POLR1E: variants seen among roughly 807,000 people sequenced by gnomAD.
The protein encoded by POLR1E is DNA-directed RNA polymerase I subunit RPA49.
POLR1E carries 37 observed loss-of-function variants against 50.9 expected under a neutral mutation model. That is an observed-to-expected ratio of 0.73 (90% CI 0.56 to 0.96). The LOEUF (loss-of-function observed/expected upper bound fraction) is 0.96. Among genes scored for constraint, POLR1E ranks in the 40% least tolerant of loss-of-function variants. The pLI is 0.00. For synonymous variants in POLR1E, 166 were observed against 191.6 expected (o/e 0.87, Z 1.10); for missense variants, 426 against 518.1 (o/e 0.82, Z 1.73).
intron 4 of POLR1E, among the ~76,000 whole-genome samples, chr9:37,490,156 G>A (rs1820654101): frequency 6.6e-6 from 1 of 151,920 alleles, no homozygotes; most frequent in Non-Finnish European, 1.5e-5. Context: ...ATCATTTCAA[G>A]GGACTATCTT....
chr9:37,487,744 C>T (rs1041270862), intron 2 of POLR1E, 119 bp from the exon 3 acceptor site: 5 of 923,656 alleles, frequency 5.4e-6, no homozygotes, highest in East Asian at 2.4e-5. Context: ...CAGAGATGAA[C>T]TAGTTCTAAT....
At chr9:37,500,319 G>A (rs1820861317) in intron 9 of POLR1E, among the ~76,000 whole-genome samples, 1 of 151,596 alleles carries the variant, frequency 6.6e-6, no homozygotes, top group Admixed American at 6.6e-5. Flanking sequence ...CAAGTAGCTG[G>A]GATTAGAGGT....
Position 37,486,076 on chromosome 9 carries a change from G to C in POLR1E, c.29G>C (p.Arg10Thr), listed in dbSNP as rs1820566882. 1 of 1,604,018 alleles carries C rather than the reference G, an allele frequency of 6.2e-7. No individual in the cohort carries two copies. Among genetic ancestry groups the C allele is most frequent in the South Asian group, 1.1e-5 (1 of 88,674 alleles). The change falls in exon 1 of 12, where the codon AGG becomes ACG. Residue 10 changes from arginine to threonine, a missense_variant. Physicochemically the swap from Arg to Thr is moderately conservative, Grantham distance 71. Transcript: ENST00000377798. ...GCGGCGGAGGTGTTGCCGAGTGCGA[G>C]GTGGCAGTATTGTGGGGCGCCCGAC... MAAEVLPSA[R>T]WQYCGAPDGS...
In POLR1E at chr9:37,486,740, C is replaced by A; in HGVS notation, c.114C>A (p.Asn38Lys). 2 of 1,614,214 alleles carry A rather than the reference C, an allele frequency of 1.2e-6. No individual in the cohort carries two copies. Among genetic ancestry groups the A allele is most frequent in the Non-Finnish European group, 1.7e-6 (2 of 1,180,034 alleles). The change falls in exon 2 of 12, where the codon AAC (asparagine) becomes AAA (lysine). Residue 38 changes from asparagine to lysine, a missense_variant. Transcript: ENST00000377798. ...FSNGKLQSPG[N>K]MRFTLYENKD... Reference sequence around the variant, plus strand: ...ACGGGAAGCTACAGAGTCCAGGCAACATGCGCTTTACCTTGTATGAGAACA... The same window carrying A: ...ACGGGAAGCTACAGAGTCCAGGCAAAATGCGCTTTACCTTGTATGAGAACA...
Position 37,503,026 on chromosome 9 carries a change from G to C in POLR1E, c.1101-17G>C. 6.2e-7 allele frequency: 1 copy of C among 1,603,346 alleles called. No homozygotes were observed. Among genetic ancestry groups the C allele is most frequent in the Non-Finnish European group, 8.5e-7 (1 of 1,175,058 alleles). On this transcript the variant is annotated splice_polypyrimidine_tract_variant and intron_variant, in intron 11 of 11. Transcript: ENST00000377798. ...GTTGAGGGGTCTCTCCAGTTCTTCT[G>C]TTTATGTCTTCCTTAGGATGATGGA...
chr9:37,488,084 C>T, intron 3 of POLR1E, 145 bp downstream of exon 3: 1 of 716,614 alleles, frequency 1.4e-6, no homozygotes, highest in South Asian at 1.8e-5. Flanking sequence ...CTATTAGACC[C>T]AGAGCCCTTC....
intron 2 of POLR1E, among the ~76,000 whole-genome samples, chr9:37,487,600 G>A (rs1304975678): frequency 6.6e-6 from 1 of 152,142 alleles, no homozygotes; most frequent in Non-Finnish European, 1.5e-5. Flanking sequence ...AAGTCTTGTG[G>A]CAGAATTCCC....
chr9:37,500,627 G>A (rs1820869265), intron 9 of POLR1E, among the ~76,000 whole-genome samples: 1 of 152,184 alleles, frequency 6.6e-6, no homozygotes, highest in African/African-American at 2.4e-5. Flanking sequence ...CCCATCACCA[G>A]CATCTCTCGT....
chr9:37,491,266 C>T (rs185545834), intron 4 of POLR1E, among the ~76,000 whole-genome samples: 5 of 152,132 alleles, frequency 3.3e-5, no homozygotes, highest in African/African-American at 7.2e-5. Flanking sequence ...CAGGATAGGG[C>T]GATAGACAAG....
intron 8 of POLR1E, among the ~76,000 whole-genome samples, chr9:37,496,366 C>G (rs897261561): frequency 6.6e-6 from 1 of 152,058 alleles, no homozygotes; most frequent in African/African-American, 2.4e-5. Flanking sequence ...ATATGGTAGG[C>G]AAACTTTTCT....
At chr9:37,492,289 A>C in intron 4 of POLR1E, 1 of 1,293,488 alleles carries the variant, frequency 7.7e-7, no homozygotes, top group Non-Finnish European at 1.0e-6. Context: ...TAGGTCTTTC[A>C]CCAAGAAAGC....
At chr9:37,497,588 T>A (rs965111358) in intron 8 of POLR1E, among the ~76,000 whole-genome samples, 2 of 152,218 alleles carry the variant, frequency 1.3e-5, no homozygotes, top group Non-Finnish European at 2.9e-5. Context: ...GTAAGTAATA[T>A]CTGTGCCTGC....
chr9:37,492,321 C>T, intron 4 of POLR1E: 1 of 1,305,812 alleles, frequency 7.7e-7, no homozygotes, highest in South Asian at 1.2e-5. Context: ...CTGGAAAGAG[C>T]CAAGGACTTG....
At chr9:37,500,792 G>T (rs745385347) in intron 9 of POLR1E, 48 bp from the exon 10 acceptor site, 11 of 1,468,962 alleles carry the variant, frequency 7.5e-6, no homozygotes, top group Admixed American at 3.4e-5. Context: ...TTGAGGTGTG[G>T]CCTGAGGGTT....
intron 10 of POLR1E, among the ~76,000 whole-genome samples, chr9:37,501,288 C>A (rs547102980): frequency 6.6e-6 from 1 of 152,360 alleles, no homozygotes; most frequent in South Asian, 2.1e-4. Flanking sequence ...GGGAAAGACC[C>A]GCAGGCCCTG....
At position 37,487,756 on chromosome 9, in the gene POLR1E, C is replaced by T. The variant is rs866907288; in HGVS notation, c.181-107C>T. The T allele has an allele frequency of 4.9e-5, 49 of 994,626 alleles. 1 individual carries two copies. The Middle Eastern group carries it at 6.4e-4, about 13-fold the overall frequency. The allele number at this position is 994,626 out of a possible 1,614,324, so 61.6% of individuals were successfully genotyped here. On this transcript the variant is annotated intron_variant, in intron 2 of 11. Coordinates refer to ENST00000377798, the MANE Select transcript of POLR1E (RefSeq NM_022490.4). ...TGCCAGAGATGAACTAGTTCTAATC[C>T]ATTGTGAGTCTGGATTCAAAAGCCT...
rs779014975 is a variant in POLR1E at position 37,487,820 on chromosome 9, T to C, written c.181-43T>C. On this transcript the variant is annotated intron_variant, in intron 2 of 11. Coordinates refer to ENST00000377798, the MANE Select transcript of POLR1E (RefSeq NM_022490.4). ...AAAGAGAAATGATGCTTAATACCTT[T>C]CAACATTGGTTGTAAATGGAGTTTC... The C allele has an allele frequency of 5.1e-6, 8 of 1,567,948 alleles. No homozygotes were observed. The African/African-American group carries it at 1.1e-4, about 21-fold the overall frequency.
At chr9:37,493,086 G>T (rs1820713916) in intron 5 of POLR1E, among the ~76,000 whole-genome samples, 1 of 152,218 alleles carries the variant, frequency 6.6e-6, no homozygotes, top group South Asian at 2.1e-4. Context: ...AATGTAGAAG[G>T]TCCCTACAAA....
rs769829658 is a variant in POLR1E, at chr9:37,486,756, T to C, written c.130T>C (p.Tyr44His). 28 of 1,614,006 alleles carry C rather than the reference T, an allele frequency of 1.7e-5. 2 individuals carry two copies. The South Asian group carries it at 3.1e-4, about 18-fold the overall frequency. ...TCCAGGCAACATGCGCTTTACCTTG[T>C]ATGAGAACAAAGATTCCACCAACCC... is the stretch of plus-strand genomic sequence containing the variant. ...QSPGNMRFTL[Y>H]ENKDSTNPRK... The change falls in exon 2 of 12, where the codon TAT becomes CAT. Residue 44 changes from tyrosine (Y) to histidine (H), a missense_variant. Transcript: ENST00000377798.
Sources: gnomAD v4.1 joint callset for allele counts (sites outside exome capture counted in the v4.1 genomes callset) on GRCh38, gnomAD v4.1.1 for gene constraint, MANE v1.5 for transcripts, NCBI Gene and HGNC (gene_info 2026-07-23, HGNC 2026-07-21) for gene names.